The following DLG2 variants were observed in gnomAD, a reference collection of about 807,000 sequenced individuals.
DLG2 encodes the protein discs large MAGUK scaffold protein 2.
DLG2 carries 45 observed loss-of-function variants against 132.5 expected under a neutral mutation model. The observed-to-expected ratio is 0.34, with a 90% CI of 0.27 to 0.44. DLG2 has a LOEUF of 0.44. Among genes scored for constraint, DLG2 ranks in the 20% least tolerant of loss-of-function variants. The pLI is 1.00. For synonymous variants in DLG2, 424 were observed against 419.6 expected (o/e 1.01, Z -0.13); for missense variants, 1,045 against 1,196.9 (o/e 0.87, Z 1.87).
intron 3 of DLG2, among the ~76,000 whole-genome samples, chr11:85,528,548 T>C (rs1280171961): frequency 6.6e-6 from 1 of 152,222 alleles, no homozygotes; most frequent in Non-Finnish European, 1.5e-5. Flanking sequence ...TAGAGTAAAC[T>C]GGTACAACAC....
intron 3 of DLG2, among the ~76,000 whole-genome samples, chr11:85,378,029 T>G (rs960762587): frequency 6.6e-6 from 1 of 151,962 alleles, no homozygotes; most frequent in Non-Finnish European, 1.5e-5. Flanking sequence ...CCACATATTT[T>G]CTTCATGGGA....
At chr11:85,468,055 AG>A (rs2092855547) in intron 3 of DLG2, among the ~76,000 whole-genome samples, 1 of 152,144 alleles carries the variant, frequency 6.6e-6, no homozygotes, top group Non-Finnish European at 1.5e-5. Context: ...GTATGTGTTG[AG>A]GAATTTAGCC....
intron 6 of DLG2, among the ~76,000 whole-genome samples, chr11:84,751,314 G>A (rs1197410905): frequency 6.6e-6 from 1 of 152,080 alleles, no homozygotes; most frequent in South Asian, 2.1e-4. Flanking sequence ...AATATGAGGT[G>A]CATATATCAC....
At chr11:84,345,920 T>C (rs556084389) in intron 7 of DLG2, among the ~76,000 whole-genome samples, 1 of 152,344 alleles carries the variant, frequency 6.6e-6, no homozygotes, top group South Asian at 2.1e-4. Context: ...ATTTACAATT[T>C]GACCCTTTGT....
Position 84,500,074 on chromosome 11 carries a change from A to G in DLG2, c.519+34496T>C, listed in dbSNP as rs553639571. On this transcript the variant is annotated intron_variant, in intron 7 of 27. Coordinates refer to ENST00000376104, the MANE Select transcript of DLG2 (RefSeq NM_001142699.3). ...CCATGCTCTCAAGGAGAATACATTC[A>G]GGAAGGAAAGACACAAGTAAAAATA... 3.3e-5 allele frequency among the ~76,000 whole-genome samples: 5 copies of G among 152,344 alleles called. No homozygotes were observed. The East Asian group carries it at 9.6e-4, about 29-fold the overall frequency.
chr11:83,853,600 T>G (rs1419960270), intron 16 of DLG2, among the ~76,000 whole-genome samples: 1 of 152,182 alleles, frequency 6.6e-6, no homozygotes, highest in Non-Finnish European at 1.5e-5. Context: ...ATACTTGCTT[T>G]TCTCACTTGA....
intron 3 of DLG2, among the ~76,000 whole-genome samples, chr11:85,490,862 C>T (rs923267488): frequency 2.6e-5 from 4 of 152,042 alleles, no homozygotes; most frequent in Non-Finnish European, 4.4e-5. Flanking sequence ...AAAACTAATA[C>T]CAATCCTCCT....
At chr11:84,289,086 T>A (rs949438669) in intron 7 of DLG2, among the ~76,000 whole-genome samples, 1 of 152,104 alleles carries the variant, frequency 6.6e-6, no homozygotes, top group African/African-American at 2.4e-5. Flanking sequence ...TGAACACTAA[T>A]TGAACAGAAA....
At chr11:85,567,348 T>G (rs1020590894) in intron 3 of DLG2, among the ~76,000 whole-genome samples, 1 of 152,188 alleles carries the variant, frequency 6.6e-6, no homozygotes, top group Non-Finnish European at 1.5e-5. Context: ...ATTTGAGCAA[T>G]GTTTTAGAGT....
At chr11:83,994,300 C>T (rs1047740853) in intron 11 of DLG2, among the ~76,000 whole-genome samples, 1 of 152,154 alleles carries the variant, frequency 6.6e-6, no homozygotes, top group East Asian at 1.9e-4. Context: ...CATTCCCCCA[C>T]GTTGGATAGT....
intron 11 of DLG2, among the ~76,000 whole-genome samples, chr11:84,000,104 A>G (rs955296552): frequency 6.6e-6 from 1 of 152,164 alleles, no homozygotes; most frequent in Non-Finnish European, 1.5e-5. Flanking sequence ...GAGAATTATG[A>G]AAACCAATAC....
intron 3 of DLG2, among the ~76,000 whole-genome samples, chr11:85,585,783 G>A (rs1365655652): frequency 6.7e-6 from 1 of 149,944 alleles, no homozygotes; most frequent in African/African-American, 2.5e-5. Context: ...GCATGATCTT[G>A]GCTCACTGCA....
intron 6 of DLG2, among the ~76,000 whole-genome samples, chr11:84,648,524 C>T (rs1020432088): frequency 3.9e-5 from 6 of 151,994 alleles, no homozygotes; most frequent in Admixed American, 2.0e-4. Context: ...TTGTCTCCTC[C>T]GCATCTCATG....
intron 3 of DLG2, among the ~76,000 whole-genome samples, chr11:85,297,590 T>TTC (rs1179283852): frequency 6.6e-6 from 1 of 152,216 alleles, no homozygotes; most frequent in Non-Finnish European, 1.5e-5. Context: ...TTCTCGTATT[T>TTC]TCTTCTTTCT....
At chr11:84,592,686 A>G (rs1366423886) in intron 6 of DLG2, among the ~76,000 whole-genome samples, 1 of 152,054 alleles carries the variant, frequency 6.6e-6, no homozygotes, top group South Asian at 2.1e-4. Flanking sequence ...TTGAAAGAAG[A>G]CATTTATGTG....
chr11:83,462,190 G>A (rs2090157551), intron 26 of DLG2, 97 bp from the exon 27 acceptor site: 1 of 814,806 alleles, frequency 1.2e-6, no homozygotes, highest in South Asian at 1.5e-5. Context: ...AGAAAACATA[G>A]TGTAATCTTA....
chr11:85,501,194 GC>G (rs2093793914), intron 3 of DLG2, among the ~76,000 whole-genome samples: 1 of 152,176 alleles, frequency 6.6e-6, no homozygotes, highest in African/African-American at 2.4e-5. Context: ...AATAAATGGT[GC>G]TGGGAAAACT....
At chr11:84,699,870 T>C (rs1392689158) in intron 6 of DLG2, among the ~76,000 whole-genome samples, 2 of 151,616 alleles carry the variant, frequency 1.3e-5, no homozygotes, top group African/African-American at 4.8e-5. Context: ...AAACAGGCTA[T>C]GTTTGGGAAA....
intron 7 of DLG2, among the ~76,000 whole-genome samples, chr11:84,365,499 GTC>G (rs1435137913): frequency 2.6e-5 from 4 of 151,766 alleles, no homozygotes; most frequent in Admixed American, 2.6e-4. Context: ...GGTTTTTTAT[GTC>G]TCTATTTCCT....
Sources: allele counts gnomAD v4.1 joint callset (sites outside exome capture counted in the v4.1 genomes callset), GRCh38; gene constraint gnomAD v4.1.1; transcripts MANE v1.5; gene names NCBI Gene and HGNC (gene_info 2026-07-23, HGNC 2026-07-21).